Variants in NAV2 observed in about 807,000 individuals in gnomAD.
The protein encoded by NAV2 is neuron navigator 2.
A neutral mutation model predicts 223.2 loss-of-function variants in NAV2; 54 were observed. The observed-to-expected ratio is 0.24, with a 90% CI of 0.19 to 0.30. The LOEUF is 0.30. Ranked by LOEUF, NAV2 falls within the 10% of genes least tolerant of loss-of-function variation. NAV2 has a pLI of 1.00. For missense variants in NAV2, 2,806 were observed against 3,147.5 expected, an observed-to-expected ratio of 0.89 and a Z score of 2.60; for synonymous variants, 1,279 against 1,239.3, an observed-to-expected ratio of 1.03 and a Z score of -0.67.
chr11:19,398,216 G>A (rs954904038), intron 1 of NAV2, among the ~76,000 whole-genome samples: 1 of 152,116 alleles, frequency 6.6e-6, no homozygotes, highest in Non-Finnish European at 1.5e-5. Flanking sequence ...TTGGGAGCCT[G>A]AATGTCACAT....
chr11:19,667,921 G>A (rs16937094), intron 1 of NAV2, among the ~76,000 whole-genome samples: 2,610 of 152,254 alleles, frequency 0.017, 69 homozygotes, highest in African/African-American at 0.06. Context: ...CACATCTCAA[G>A]GTGTTTGTTT....
At chr11:20,082,129 A>G (rs1244407509) in intron 25 of NAV2, among the ~76,000 whole-genome samples, 1 of 152,208 alleles carries the variant, frequency 6.6e-6, no homozygotes, top group Non-Finnish European at 1.5e-5. Flanking sequence ...TTATCTTCTT[A>G]TATACACAAA....
chr11:19,462,518 C>T (rs1391297953), intron 1 of NAV2, among the ~76,000 whole-genome samples: 1 of 152,198 alleles, frequency 6.6e-6, no homozygotes, highest in African/African-American at 2.4e-5. Flanking sequence ...GATAAGCTAT[C>T]TTCAATGAGT....
intron 6 of NAV2, among the ~76,000 whole-genome samples, chr11:19,925,009 T>C (rs1159505206): frequency 6.6e-6 from 1 of 152,212 alleles, no homozygotes; most frequent in Admixed American, 6.5e-5. Context: ...TGGTATTTGT[T>C]GTGGTTTTGA....
intron 6 of NAV2, among the ~76,000 whole-genome samples, chr11:19,901,766 A>G (rs2042466312): frequency 6.6e-6 from 1 of 152,186 alleles, no homozygotes; most frequent in South Asian, 2.1e-4. Context: ...AACTACTTGC[A>G]TAGGTCTTAT....
Position 19,835,312 on chromosome 11 carries a change from C to T in NAV2, c.385+2711C>T, listed in dbSNP as rs190129124. ...ACCCTCCAACACAGGATCGCTTTGT[C>T]CAGAGACTCCTCAATAAGGCTGGAT... On this transcript the variant is annotated intron_variant, in intron 2 of 37. Transcript: ENST00000349880. Among the ~76,000 whole-genome samples the T allele has an allele frequency of 3.0e-3, 451 of 152,302 alleles. 1 individual carries two copies. Among genetic ancestry groups the T allele is most frequent in the Middle Eastern group, 0.01 (3 of 294 alleles).
chr11:20,090,848 C>T lies in NAV2; in HGVS notation c.5499-17C>T, dbSNP rs778857221. ...TAAAAGGAGCTGCTTTCATCAGTAA[C>T]ATTCCTCTTTCCCTAGAATTTCAGA... On this transcript the variant is annotated splice_polypyrimidine_tract_variant and intron_variant, in intron 26 of 37. Transcript: ENST00000349880. 2.5e-6 allele frequency: 4 copies of T among 1,612,602 alleles called. No individual in the cohort carries two copies. The highest frequency in any genetic ancestry group is 2.2e-5 in the South Asian group (2 of 91,016).
At chr11:19,478,349 G>A (rs556276214) in intron 1 of NAV2, among the ~76,000 whole-genome samples, 72 of 152,268 alleles carry the variant, frequency 4.7e-4, no homozygotes, top group Admixed American at 2.6e-3. Flanking sequence ...CCCGGTGCCT[G>A]CAAAAATTGC....
chr11:20,076,034 C>T (rs1372562779), intron 22 of NAV2, among the ~76,000 whole-genome samples: 2 of 152,168 alleles, frequency 1.3e-5, no homozygotes, highest in Non-Finnish European at 1.5e-5. Context: ...CCACAAGTGT[C>T]CATGCATTCC....
Position 19,355,222 on chromosome 11 carries a change from T to A in NAV2, c.75+4195T>A, listed in dbSNP as rs185040407. On this transcript the variant is annotated intron_variant, in intron 1 of 37. Transcript: ENST00000360655. ...ACAGACAGAGGTTTCCCACAGCGGA[T>A]GAACATTGTAAAATAAGAATTGTTG... 4.0e-5 allele frequency among the ~76,000 whole-genome samples: 6 copies of A among 150,688 alleles called. No homozygotes were observed. The East Asian group carries it at 1.2e-3, about 30-fold the overall frequency.
chr11:19,622,601 G>A (rs936848900), intron 1 of NAV2, among the ~76,000 whole-genome samples: 4 of 151,898 alleles, frequency 2.6e-5, no homozygotes, highest in Admixed American at 2.0e-4. Context: ...TTGTTTGTTT[G>A]TTTTCCATTT....
rs149338772 is a variant in NAV2 at position 19,382,783 on chromosome 11, T to C, written c.75+31756T>C. Among the ~76,000 whole-genome samples, 33 of 152,326 alleles carry C rather than the reference T, an allele frequency of 2.2e-4. No homozygotes were observed. In the East Asian group the frequency reaches 6.4e-3, roughly 29 times the overall value. ...ATTCCACCCATTTTATAGATGAGGA[T>C]GCTGAGGTACAGAGAGATTAAGTGG... On this transcript the variant is annotated intron_variant, in intron 1 of 37. Coordinates refer to the NAV2 transcript ENST00000360655.
chr11:19,369,809 A>T (rs375017043), intron 1 of NAV2, among the ~76,000 whole-genome samples: 122 of 152,312 alleles, frequency 8.0e-4, no homozygotes, highest in African/African-American at 2.8e-3. Context: ...TCGAAAGATA[A>T]CAAGTCTAGT....
At chr11:19,538,249 T>C (rs1414214087) in intron 1 of NAV2, among the ~76,000 whole-genome samples, 1 of 152,244 alleles carries the variant, frequency 6.6e-6, no homozygotes, top group African/African-American at 2.4e-5. Context: ...CCCAGGTGGC[T>C]ATTGTCATCA....
At chr11:19,608,179 G>C (rs1426343503) in intron 1 of NAV2, among the ~76,000 whole-genome samples, 1 of 152,236 alleles carries the variant, frequency 6.6e-6, no homozygotes, top group Non-Finnish European at 1.5e-5. Context: ...CTTGGGGACT[G>C]TTCAGAGCTC....
At chr11:19,528,779 A>G (rs1309843140) in intron 1 of NAV2, among the ~76,000 whole-genome samples, 1 of 152,098 alleles carries the variant, frequency 6.6e-6, no homozygotes, top group East Asian at 1.9e-4. Flanking sequence ...AAAATACAGA[A>G]ATTAGCCTGG....
At chr11:20,067,859 C>T (rs1290196172) in intron 20 of NAV2, among the ~76,000 whole-genome samples, 4 of 151,990 alleles carry the variant, frequency 2.6e-5, no homozygotes, top group Non-Finnish European at 4.4e-5. Context: ...TTTACTAAAT[C>T]TGACTCATGG....
At chr11:19,570,839 G>A (rs1224606547) in intron 1 of NAV2, among the ~76,000 whole-genome samples, 1 of 152,170 alleles carries the variant, frequency 6.6e-6, no homozygotes, top group African/African-American at 2.4e-5. Flanking sequence ...GTGCTGGTGG[G>A]AATGTAAAAT....
intron 1 of NAV2, among the ~76,000 whole-genome samples, chr11:19,597,129 G>T (rs958070508): frequency 6.6e-6 from 1 of 152,200 alleles, no homozygotes; most frequent in Non-Finnish European, 1.5e-5. Flanking sequence ...AGGTGACTTT[G>T]TCTCTCTGAG....
Sources: allele counts gnomAD v4.1 joint callset (sites outside exome capture counted in the v4.1 genomes callset), GRCh38; gene constraint gnomAD v4.1.1; transcripts MANE v1.5; gene names NCBI Gene and HGNC (gene_info 2026-07-23, HGNC 2026-07-21).